Variants in EFCAB8 observed in about 807,000 individuals in gnomAD.
EFCAB8 encodes EF-hand calcium binding domain 8.
Under a neutral mutation model 116.3 loss-of-function variants are expected in EFCAB8, and 100 were observed. That is an observed-to-expected ratio of 0.86 (90% CI 0.73 to 1.02). The LOEUF (loss-of-function observed/expected upper bound fraction) is 1.02. Among genes scored for constraint, EFCAB8 ranks in the 50% least tolerant of loss-of-function variants. The probability of loss-of-function intolerance (pLI) is 0.00; values close to 1 mark genes in which losing one functional copy is unlikely to be tolerated. For missense variants in EFCAB8, 1,320 were observed against 1,416.9 expected, an observed-to-expected ratio of 0.93 and a Z score of 1.10; for synonymous variants, 558 against 567.9, an observed-to-expected ratio of 0.98 and a Z score of 0.25.
At chr20:32,946,501 T>G (rs1257548439) in intron 23 of EFCAB8, among the ~76,000 whole-genome samples, 1 of 152,242 alleles carries the variant, frequency 6.6e-6, no homozygotes, top group Non-Finnish European at 1.5e-5. Context: ...AGTGTCTCCA[T>G]AGGGAGAAGG....
chr20:32,948,075 G>A (rs950768653), intron 23 of EFCAB8, among the ~76,000 whole-genome samples: 6 of 151,204 alleles, frequency 4.0e-5, no homozygotes, highest in Admixed American at 1.3e-4. Flanking sequence ...TAGTTAAATC[G>A]ATAAACCTCC....
At chr20:32,899,496 T>C (rs886183469) in intron 11 of EFCAB8, among the ~76,000 whole-genome samples, 3 of 152,158 alleles carry the variant, frequency 2.0e-5, no homozygotes, top group African/African-American at 7.2e-5. Flanking sequence ...ATAAAGAAGG[T>C]TGGAGTCCTG....
intron 11 of EFCAB8, among the ~76,000 whole-genome samples, chr20:32,904,318 G>A (rs62207460): frequency 8.1e-5 from 12 of 148,980 alleles, no homozygotes; most frequent in African/African-American, 2.7e-4. Context: ...TGTTTTTTTC[G>A]TGGACAGGTT....
intron 21 of EFCAB8, 102 bp from the exon 22 acceptor site, chr20:32,931,076 C>T (rs1026375114): frequency 6.8e-6 from 7 of 1,028,584 alleles, no homozygotes; most frequent in African/African-American, 4.9e-5. Context: ...AACTGCCCCC[C>T]ACCCCCACCA....
intron 20 of EFCAB8, among the ~76,000 whole-genome samples, chr20:32,922,581 C>T (rs535312745): frequency 1.3e-5 from 2 of 152,238 alleles, no homozygotes; most frequent in Non-Finnish European, 2.9e-5. Flanking sequence ...CAATGGAGGA[C>T]AAGAAAGCCG....
chr20:32,951,132 A>G (rs1433182648), intron 23 of EFCAB8, among the ~76,000 whole-genome samples: 1 of 152,236 alleles, frequency 6.6e-6, no homozygotes, highest in Non-Finnish European at 1.5e-5. Context: ...TTTGGAAAGC[A>G]TTTTGGCAGT....
At position 32,892,236 on chromosome 20, in the gene EFCAB8, A is replaced by G. The variant is rs1314000379; in HGVS notation, c.697A>G (p.Lys233Glu). 6.4e-7 allele frequency: 1 copy of G among 1,551,688 alleles called. No individual in the cohort carries two copies. Among genetic ancestry groups the G allele is most frequent in the Admixed American group, 2.0e-5 (1 of 50,998 alleles). Residue 233 changes from lysine (K) to glutamate (E), a missense_variant, in exon 8 of 27, where the codon AAA becomes GAA. Lys to Glu is a moderately conservative substitution (Grantham distance 56). Coordinates refer to ENST00000400522, the MANE Select transcript of EFCAB8 (RefSeq NM_001143967.2). Reference protein sequence around the residue: ...KIDFFDISDHKCVRAFTFVDL... With the variant: ...KIDFFDISDHECVRAFTFVDL... ...AGATTTCTTTGATATTAGTGACCAC[A>G]AATGTGTCCGGGCCTTCACCTTTGT...
At position 32,867,500 on chromosome 20, in the gene EFCAB8, C is replaced by T. The variant is rs1311772237; in HGVS notation, c.43-82C>T. On this transcript the variant is annotated intron_variant, in intron 2 of 26. Coordinates refer to ENST00000400522, the MANE Select transcript of EFCAB8 (RefSeq NM_001143967.2). Reference sequence around the variant, plus strand: ...CTTACCTTGTTCTTTCTCAAAGAGTCTCTCTTTAAATCATGTGCTGAAAAT... The same window carrying T: ...CTTACCTTGTTCTTTCTCAAAGAGTTTCTCTTTAAATCATGTGCTGAAAAT... The T allele has an allele frequency of 6.4e-6, 9 of 1,408,342 alleles. No individual in the cohort carries two copies. The Admixed American group carries it at 1.7e-4, about 27-fold the overall frequency. The allele number at this position is 1,408,342 out of a possible 1,614,324, so 87.2% of individuals were successfully genotyped here.
chr20:32,926,244 T>C (rs1212282113), intron 20 of EFCAB8, among the ~76,000 whole-genome samples: 12 of 152,250 alleles, frequency 7.9e-5, no homozygotes, highest in Non-Finnish European at 1.6e-4. Context: ...TGTGCAGTTA[T>C]GAGGAACCAC....
At chr20:32,893,844 C>T (rs1429954337) in intron 9 of EFCAB8, among the ~76,000 whole-genome samples, 2 of 152,214 alleles carry the variant, frequency 1.3e-5, no homozygotes, top group East Asian at 1.9e-4. Flanking sequence ...TCCCATAATC[C>T]GCCCCTACTG....
At chr20:32,914,738 C>T (rs1197241278) in intron 17 of EFCAB8, among the ~76,000 whole-genome samples, 1 of 152,142 alleles carries the variant, frequency 6.6e-6, no homozygotes, top group Non-Finnish European at 1.5e-5. Flanking sequence ...CCCCCATGAT[C>T]CACTCACCTC....
chr20:32,887,351 G>A (rs529637315), intron 6 of EFCAB8, among the ~76,000 whole-genome samples: 7 of 152,314 alleles, frequency 4.6e-5, no homozygotes, highest in South Asian at 4.1e-4. Flanking sequence ...TGAGGCAGGC[G>A]GATCACTTGA....
intron 6 of EFCAB8, among the ~76,000 whole-genome samples, chr20:32,886,952 C>T (rs1985662333): frequency 6.6e-6 from 1 of 152,136 alleles, no homozygotes; most frequent in Non-Finnish European, 1.5e-5. Context: ...CTTGGTTTCT[C>T]TGAATAGTGC....
chr20:32,940,270 C>T lies in EFCAB8; in HGVS notation c.2791-3366C>T, dbSNP rs188257746. Among the ~76,000 whole-genome samples, 182 of 149,130 alleles carry T rather than the reference C, an allele frequency of 1.2e-3. 6 individuals are homozygous for T. Among genetic ancestry groups the T allele is most frequent in the African/African-American group, 4.3e-3 (172 of 40,064 alleles). ...AATTTAGAGTTAAAAAATAAATTCT[C>T]ACATTATGATCAATTGATTTTTGAC... On this transcript the variant is annotated intron_variant, in intron 22 of 26. Coordinates refer to ENST00000400522, the MANE Select transcript of EFCAB8 (RefSeq NM_001143967.2).
intron 11 of EFCAB8, chr20:32,903,669 G>C (rs1986536522): frequency 6.6e-6 from 1 of 152,272 alleles, no homozygotes; most frequent in South Asian, 2.1e-4. Context: ...TATGTGTACT[G>C]CCATCTGTTC....
chr20:32,864,584 A>AAAAAC (rs1367293539), intron 2 of EFCAB8, among the ~76,000 whole-genome samples: 1 of 152,120 alleles, frequency 6.6e-6, no homozygotes, highest in Non-Finnish European at 1.5e-5. Context: ...CTGTCTCTAA[A>AAAAAC]AAAACAAAAC....
intron 2 of EFCAB8, among the ~76,000 whole-genome samples, chr20:32,866,654 G>A (rs995881486): frequency 3.3e-5 from 5 of 152,186 alleles, no homozygotes; most frequent in African/African-American, 7.2e-5. Context: ...TCATCTGACC[G>A]AGATGGGACA....
At chr20:32,897,672 C>G (rs1181968198) in intron 10 of EFCAB8, among the ~76,000 whole-genome samples, 2 of 152,060 alleles carry the variant, frequency 1.3e-5, no homozygotes, top group African/African-American at 4.8e-5. Flanking sequence ...CTTGGCCTCC[C>G]AAAGTGCTGG....
rs1192731002 is a variant in EFCAB8 at position 32,959,959 on chromosome 20, A to G, written c.3271A>G (p.Lys1091Glu). The change falls in exon 25 of 27, where the codon AAG (lysine) becomes GAG (glutamate). Residue 1091 changes from lysine to glutamate, a missense_variant. Transcript: ENST00000400522. ...PLEDIEDSWN[K>E]WESRDKQVSK... ...GGAAGACATTGAGGACAGCTGGAAC[A>G]AGTGGGAGTCCAGGGACAAGCAGGT... is the stretch of plus-strand genomic sequence containing the variant. 2 of 1,551,594 alleles carry G rather than the reference A, an allele frequency of 1.3e-6. No homozygotes were observed. The highest frequency in any genetic ancestry group is 1.7e-6 in the Non-Finnish European group (2 of 1,146,990).
Sources: gnomAD v4.1 joint callset for allele counts (sites outside exome capture counted in the v4.1 genomes callset) on GRCh38, gnomAD v4.1.1 for gene constraint, MANE v1.5 for transcripts, NCBI Gene and HGNC (gene_info 2026-07-23, HGNC 2026-07-21) for gene names.